Variants in CDH18 observed in about 807,000 individuals in gnomAD.
CDH18 encodes the protein cadherin 18, also known as cadherin-18.
Under a neutral mutation model 67.9 loss-of-function variants are expected in CDH18, and 31 were observed. The ratio of observed to expected loss-of-function variants is 0.46; its 90% CI spans 0.34 to 0.62. The LOEUF is 0.62. CDH18 is among the 20% of genes least tolerant of loss of function. The pLI is 0.01. For missense variants in CDH18, 890 were observed against 975.5 expected, an observed-to-expected ratio of 0.91 and a Z score of 1.17; for synonymous variants, 362 against 347.2, an observed-to-expected ratio of 1.04 and a Z score of -0.48.
intron 9 of CDH18, among the ~76,000 whole-genome samples, chr5:19,529,619 A>G (rs1270861466): frequency 6.6e-6 from 1 of 152,110 alleles, no homozygotes; most frequent in East Asian, 1.9e-4. Flanking sequence ...AATTATTAAA[A>G]CAGTCTAGCA....
intron 1 of CDH18, among the ~76,000 whole-genome samples, chr5:20,308,530 G>A (rs1316657517): frequency 1.3e-4 from 18 of 142,598 alleles, no homozygotes; most frequent in African/African-American, 4.7e-4. Context: ...CCAACAGGGC[G>A]AGACTCAGTC....
chr5:19,601,043 T>G (rs746379944), intron 6 of CDH18, among the ~76,000 whole-genome samples: 31 of 152,156 alleles, frequency 2.0e-4, no homozygotes, highest in Non-Finnish European at 3.2e-4. Flanking sequence ...TTCAAACGTG[T>G]ACAGAAAGCA....
intron 2 of CDH18, among the ~76,000 whole-genome samples, chr5:19,952,468 T>C (rs1795894597): frequency 6.6e-6 from 1 of 152,208 alleles, no homozygotes; most frequent in East Asian, 1.9e-4. Flanking sequence ...TCTGTTGCTC[T>C]GCTGTCAATC....
intron 1 of CDH18, among the ~76,000 whole-genome samples, chr5:20,374,470 A>G (rs142550281): frequency 2.0e-5 from 3 of 152,310 alleles, no homozygotes; most frequent in African/African-American, 7.2e-5. Context: ...GATTTGAGAC[A>G]TCTTGGGGTT....
Position 19,914,842 on chromosome 5 carries a change from C to A in CDH18, c.-257+66218G>T, listed in dbSNP as rs182710202. On this transcript the variant is annotated intron_variant, in intron 2 of 12. Transcript: ENST00000382275. The stretch of plus-strand genomic sequence containing the variant: ...GACAACACTTCTAAAAAGAAATGCA[C>A]AAATACAAAAAAAATTTCTCCCCCA... Among the ~76,000 whole-genome samples, 329 of 151,840 alleles carry A rather than the reference C, an allele frequency of 2.2e-3. 2 individuals carry two copies. The highest frequency in any genetic ancestry group is 7.4e-3 in the African/African-American group (307 of 41,466).
At chr5:19,713,572 T>G (rs1171275292) in intron 5 of CDH18, among the ~76,000 whole-genome samples, 1 of 152,130 alleles carries the variant, frequency 6.6e-6, no homozygotes, top group Non-Finnish European at 1.5e-5. Context: ...TGATAGATAT[T>G]ATTCTGTTGA....
At chr5:19,935,286 C>T (rs1794114535) in intron 2 of CDH18, among the ~76,000 whole-genome samples, 1 of 151,156 alleles carries the variant, frequency 6.6e-6, no homozygotes, top group South Asian at 2.1e-4. Context: ...TAGTATGTTT[C>T]CCTATATTTT....
chr5:19,598,865 G>A (rs1040516283), intron 6 of CDH18, among the ~76,000 whole-genome samples: 2 of 152,018 alleles, frequency 1.3e-5, no homozygotes, highest in African/African-American at 2.4e-5. Flanking sequence ...TTAGAATCTG[G>A]TTGTCCAACT....
At chr5:19,574,818 G>A (rs1397731130) in intron 7 of CDH18, among the ~76,000 whole-genome samples, 1 of 151,870 alleles carries the variant, frequency 6.6e-6, no homozygotes, top group Non-Finnish European at 1.5e-5. Context: ...CGAGGTGGGC[G>A]GATCACGAGG....
intron 1 of CDH18, among the ~76,000 whole-genome samples, chr5:20,403,105 C>G (rs1745918626): frequency 6.6e-6 from 1 of 151,736 alleles, no homozygotes; most frequent in Admixed American, 6.6e-5. Flanking sequence ...ATTGTTTGAA[C>G]CCAAGAGGCA....
intron 1 of CDH18, among the ~76,000 whole-genome samples, chr5:20,316,641 A>G (rs1377228747): frequency 3.3e-5 from 5 of 152,034 alleles, no homozygotes; most frequent in Admixed American, 6.6e-5. Flanking sequence ...TAACTTGGAA[A>G]TGATATGCAT....
intron 1 of CDH18, among the ~76,000 whole-genome samples, chr5:19,987,021 A>G (rs913785071): frequency 2.0e-5 from 3 of 152,206 alleles, no homozygotes; most frequent in Non-Finnish European, 4.4e-5. Flanking sequence ...GGCTCAAAGC[A>G]GTGATGCCAT....
intron 1 of CDH18, among the ~76,000 whole-genome samples, chr5:20,477,121 C>G (rs1752495299): frequency 6.6e-6 from 1 of 151,996 alleles, no homozygotes; most frequent in African/African-American, 2.4e-5. Flanking sequence ...AAGAGTATTC[C>G]ATGGGAATGA....
chr5:19,828,362 G>A (rs1183122494), intron 3 of CDH18, among the ~76,000 whole-genome samples: 1 of 150,586 alleles, frequency 6.6e-6, no homozygotes, highest in Non-Finnish European at 1.5e-5. Context: ...CCCTAACTCA[G>A]TCTACAAGGC....
At chr5:20,378,515 A>C (rs929555343) in intron 1 of CDH18, among the ~76,000 whole-genome samples, 2 of 152,128 alleles carry the variant, frequency 1.3e-5, no homozygotes, top group Non-Finnish European at 2.9e-5. Flanking sequence ...TCCTTTTTAC[A>C]CAGCAATCTC....
At chr5:19,964,645 A>G (rs1316601849) in intron 2 of CDH18, among the ~76,000 whole-genome samples, 1 of 136,138 alleles carries the variant, frequency 7.3e-6, no homozygotes, top group Non-Finnish European at 1.5e-5. Context: ...AAGGCCCTGT[A>G]TCAAAAAAAA....
chr5:20,539,733 TACACACACACACACACACACACAAAC>T (rs1343271105), intron 1 of CDH18, among the ~76,000 whole-genome samples: 3 of 146,682 alleles, frequency 2.0e-5, no homozygotes, highest in African/African-American at 7.5e-5. Flanking sequence ...CCACCACCAC[TACACACACACACACACACACACAAAC>T]ACACACACAC....
intron 2 of CDH18, among the ~76,000 whole-genome samples, chr5:19,877,053 A>G (rs1225380872): frequency 3.9e-5 from 6 of 152,110 alleles, no homozygotes; most frequent in Admixed American, 3.9e-4. Context: ...GAATCCCCCA[A>G]TGACTATGAA....
chr5:19,651,236 C>T (rs902486958), intron 5 of CDH18, among the ~76,000 whole-genome samples: 4 of 151,718 alleles, frequency 2.6e-5, no homozygotes, highest in African/African-American at 9.7e-5. Flanking sequence ...TCAGTATGTG[C>T]TTCCTAAATG....
Sources: gnomAD v4.1 joint callset for allele counts (sites outside exome capture counted in the v4.1 genomes callset) on GRCh38, gnomAD v4.1.1 for gene constraint, MANE v1.5 for transcripts, NCBI Gene and HGNC (gene_info 2026-07-23, HGNC 2026-07-21) for gene names.